ZNF70: variants seen among roughly 807,000 people sequenced by gnomAD.
ZNF70 encodes the protein zinc finger protein 70.
A neutral mutation model predicts 37.7 loss-of-function variants in ZNF70; 18 were observed. That is an observed-to-expected ratio of 0.48 (90% confidence interval 0.33 to 0.71). ZNF70 has a LOEUF of 0.71. ZNF70 is among the 30% of genes least tolerant of loss of function. The pLI, the probability that ZNF70 is intolerant of heterozygous loss-of-function variation, is 0.02. For synonymous variants in ZNF70, 219 were observed against 220.1 expected (o/e 0.99, Z 0.05); for missense variants, 506 against 568.6 (o/e 0.89, Z 1.12).
rs770461823 is a variant in ZNF70 at position 23,744,075 on chromosome 22, G to A, written c.1066C>T (p.Arg356Cys). The change falls in exon 2 of 2, where the codon CGC (arginine) becomes TGC (cysteine). Residue 356 changes from arginine to cysteine, a missense_variant. Arg to Cys is a radical substitution (Grantham distance 180). Coordinates refer to ENST00000341976, the MANE Select transcript of ZNF70 (RefSeq NM_021916.4). ...SQSSSLIEHQ[R>C]IHTGEKPYEC... ...TAGGGCTTCTCACCGGTGTGGATGC[G>A]CTGGTGCTCAATGAGGGAGGAGCTC... The A allele has an allele frequency of 1.4e-5, 22 of 1,610,934 alleles. No individual in the cohort carries two copies. The highest frequency in any genetic ancestry group is 1.7e-5 in the Admixed American group (1 of 59,524).
At chr22:23,748,261 A>C (rs1388597772) in intron 1 of ZNF70, among the ~76,000 whole-genome samples, 5 of 151,770 alleles carry the variant, frequency 3.3e-5, no homozygotes, top group Non-Finnish European at 7.4e-5. Flanking sequence ...TTTTTTTGAG[A>C]CAGGGTCTCA....
At position 23,739,606 on chromosome 22, in the gene ZNF70, T is replaced by C. The variant is rs1924815590; in HGVS notation, c.*4194A>G. ...CGGCTATTTTTTGTTTTTGTTGTTG[T>C]TGTTTTCCCCGAGATGGAGTCTTGC... On this transcript the variant is annotated 3_prime_UTR_variant, in exon 2 of 2. Transcript: ENST00000341976. 1 of 150,996 alleles carries C rather than the reference T, an allele frequency of 6.6e-6. No homozygotes were observed. The allele number at this position is 150,996 out of a possible 1,614,324, so 9.4% of individuals were successfully genotyped here. A position where few individuals can be genotyped will look rare whatever the true frequency, so the allele number is the denominator to read the frequency against.
chr22:23,741,710 C>T lies in ZNF70; in HGVS notation c.*2090G>A, dbSNP rs1259675231. Reference sequence around the variant, plus strand: ...CCAGCCATAAATGTTTAGGAAACTTCAAAACAGCCTAGACTGCCTCCTTCC... The same window carrying T: ...CCAGCCATAAATGTTTAGGAAACTTTAAAACAGCCTAGACTGCCTCCTTCC... On this transcript the variant is annotated 3_prime_UTR_variant, in exon 2 of 2. Transcript: ENST00000341976. 4 of 152,280 alleles carry T rather than the reference C, an allele frequency of 2.6e-5. No homozygotes were observed. Among genetic ancestry groups the T allele is most frequent in the African/African-American group, 9.6e-5 (4 of 41,460 alleles). The allele number at this position is 152,280 out of a possible 1,614,324, so 9.4% of individuals were successfully genotyped here. A position where few individuals can be genotyped will look rare whatever the true frequency, so the allele number is the denominator to read the frequency against.
At position 23,743,744 on chromosome 22, in the gene ZNF70, G is replaced by C. The variant is rs113327710; in HGVS notation, c.*56C>G. On this transcript the variant is annotated 3_prime_UTR_variant, in exon 2 of 2. Transcript: ENST00000341976. ...GGTGGGGTCTTGGAGACCACGCGAC[G>C]TGGAATAAAGGCTCCATCTGGCACA... is the stretch of plus-strand genomic sequence containing the variant. 18 of 1,558,952 alleles carry C rather than the reference G, an allele frequency of 1.2e-5. No homozygotes were observed. Among genetic ancestry groups the C allele is most frequent in the East Asian group, 2.2e-5 (1 of 44,506 alleles).
In ZNF70 at chr22:23,739,104, C is replaced by T. The variant is rs528781629; in HGVS notation, c.*4696G>A. On this transcript the variant is annotated 3_prime_UTR_variant, in exon 2 of 2. Transcript: ENST00000341976. ...TAAAATAATGAAAAAATTGAGTTAA[C>T]AAATAGAACTGGTAGAATAAAAACA... 7 of 152,054 alleles carry T rather than the reference C, an allele frequency of 4.6e-5. No individual in the cohort carries two copies. Among genetic ancestry groups the T allele is most frequent in the African/African-American group, 1.4e-4 (6 of 41,478 alleles). 9.4% of individuals were successfully genotyped at this position (152,054 alleles called of 1,614,324 possible).
At chr22:23,746,210 T>A (rs1054925546) in intron 1 of ZNF70, among the ~76,000 whole-genome samples, 1 of 147,594 alleles carries the variant, frequency 6.8e-6, no homozygotes, top group African/African-American at 2.5e-5. Context: ...CCTTTTTTTT[T>A]TTTTTTTTTT....
At chr22:23,746,038 T>C (rs1925110270) in intron 1 of ZNF70, among the ~76,000 whole-genome samples, 1 of 152,162 alleles carries the variant, frequency 6.6e-6, no homozygotes, top group African/African-American at 2.4e-5. Context: ...CAGTCCTCAC[T>C]GCCACTCTGC....
rs143260766 is a variant in ZNF70, at chr22:23,741,575, G to A, written c.*2225C>T. On this transcript the variant is annotated 3_prime_UTR_variant, in exon 2 of 2. Coordinates refer to ENST00000341976, the MANE Select transcript of ZNF70 (RefSeq NM_021916.4). ...TCTCTGGCCTATCAAGACCCACTTA[G>A]TAACAGTTATGGCTTTCCCATGTTT... 2.0e-5 allele frequency: 3 copies of A among 152,372 alleles called. No individual in the cohort carries two copies. The East Asian group carries it at 5.8e-4, about 29-fold the overall frequency. 9.4% of individuals were successfully genotyped at this position (152,372 alleles called of 1,614,324 possible). A position where few individuals can be genotyped will look rare whatever the true frequency, so the allele number is the denominator to read the frequency against.
In ZNF70 at chr22:23,744,983, A is replaced by G. The variant is rs1472910450; in HGVS notation, c.158T>C (p.Leu53Pro). The G allele has an allele frequency of 1.2e-6, 2 of 1,614,170 alleles. No homozygotes were observed. Among genetic ancestry groups the G allele is most frequent in the East Asian group, 4.5e-5 (2 of 44,884 alleles). ...QMAVIYKEIP[L>P]GEQDEENDDY... is the part of the protein sequence containing the mutation. ...ATCATTTTCTTCGTCCTGCTCACCA[A>G]GAGGGATCTCCTTGTAGATCACAGC... Residue 53 changes from leucine to proline, a missense_variant, in exon 2 of 2, where the codon CTT becomes CCT. By Grantham distance (98) the Leu-to-Pro change is moderately conservative. Transcript: ENST00000341976.
In ZNF70 at chr22:23,741,007, G is replaced by C. The variant is rs1336326084; in HGVS notation, c.*2793C>G. The stretch of plus-strand genomic sequence containing the variant: ...GAATTATGAGCTGGGAGTGATGCTG[G>C]AGTGGGCAGGGGCGGCCTGATCTCC... On this transcript the variant is annotated 3_prime_UTR_variant, in exon 2 of 2. Coordinates refer to ENST00000341976, the MANE Select transcript of ZNF70 (RefSeq NM_021916.4). 6.6e-6 allele frequency: 1 copy of C among 152,326 alleles called. No individual in the cohort carries two copies. The highest frequency in any genetic ancestry group is 1.5e-5 in the Non-Finnish European group (1 of 68,072). The allele number at this position is 152,326 out of a possible 1,614,324, so 9.4% of individuals were successfully genotyped here. A position where few individuals can be genotyped will look rare whatever the true frequency, so the allele number is the denominator to read the frequency against.
rs769103141 is a variant in ZNF70 at position 23,744,808 on chromosome 22, C to G, written c.333G>C (p.Glu111Asp). 3.7e-6 allele frequency: 6 copies of G among 1,614,196 alleles called. No individual in the cohort carries two copies. The highest frequency in any genetic ancestry group is 5.1e-6 in the Non-Finnish European group (6 of 1,180,038). Residue 111 changes from glutamate (E) to aspartate (D), a missense_variant, in exon 2 of 2, where the codon GAG (glutamate) becomes GAC (aspartate). Coordinates refer to ENST00000341976, the MANE Select transcript of ZNF70 (RefSeq NM_021916.4). ...LSMCQIIHSE[E>D]PSPCDCAETD... ...TTTCTGCACAATCGCATGGACTGGGCTCTTCACTGTGGATTATCTGACACA... is the reference window on the plus strand; with the variant it reads ...TTTCTGCACAATCGCATGGACTGGGGTCTTCACTGTGGATTATCTGACACA...
chr22:23,746,996 T>C (rs1028676223), intron 1 of ZNF70, among the ~76,000 whole-genome samples: 1 of 152,174 alleles, frequency 6.6e-6, no homozygotes, highest in African/African-American at 2.4e-5. Context: ...GAAAATTCCC[T>C]AAGGGCAAAT....
Position 23,741,735 on chromosome 22 carries a change from C to G in ZNF70, c.*2065G>C, listed in dbSNP as rs1274877716. On this transcript the variant is annotated 3_prime_UTR_variant, in exon 2 of 2. Transcript: ENST00000341976. Reference sequence around the variant, plus strand: ...CAAAACAGCCTAGACTGCCTCCTTCCCCACTAGCTCTGAGGAGCCCAAGGG... The same window carrying G: ...CAAAACAGCCTAGACTGCCTCCTTCGCCACTAGCTCTGAGGAGCCCAAGGG... The G allele has an allele frequency of 1.3e-5, 2 of 152,324 alleles. No homozygotes were observed. Among genetic ancestry groups the G allele is most frequent in the Admixed American group, 6.5e-5 (1 of 15,286 alleles). The allele number at this position is 152,324 out of a possible 1,614,324, so 9.4% of individuals were successfully genotyped here.
rs1925013053 is a variant in ZNF70, at chr22:23,744,355, G to A, written c.786C>T (p.Asn262=). The A allele has an allele frequency of 1.2e-6, 2 of 1,614,082 alleles. No individual in the cohort carries two copies. Among genetic ancestry groups the A allele is most frequent in the South Asian group, 1.1e-5 (1 of 91,088 alleles). The change falls in exon 2 of 2, where the codon AAC becomes AAT. Residue 262 remains asparagine (N), a synonymous_variant. Transcript: ENST00000341976. ...YQCKECGKSF[N]QSSGLSQHRK... is the part of the protein sequence containing the mutation. ...GATGCTGGCTCAGGCCTGAGCTCTGGTTGAAGGATTTCCCACATTCCTTAC... is the reference window on the plus strand; with the variant it reads ...GATGCTGGCTCAGGCCTGAGCTCTGATTGAAGGATTTCCCACATTCCTTAC...
At position 23,740,779 on chromosome 22, in the gene ZNF70, A is replaced by AC. The variant is rs1924854335; in HGVS notation, c.*3020_*3021insG. ...CTCAAAAAAAAAAAAAAAAAAAAAA[A>AC]AACTAATAAAACAAGGAAAGAATTT... is the stretch of plus-strand genomic sequence containing the variant. On this transcript the variant is annotated 3_prime_UTR_variant, in exon 2 of 2. Coordinates refer to ENST00000341976, the MANE Select transcript of ZNF70 (RefSeq NM_021916.4). 3 of 151,722 alleles carry AC rather than the reference A, an allele frequency of 2.0e-5. No individual in the cohort carries two copies. The highest frequency in any genetic ancestry group is 2.1e-4 in the South Asian group (1 of 4,828). 9.4% of individuals were successfully genotyped at this position (151,722 alleles called of 1,614,324 possible). A position where few individuals can be genotyped will look rare whatever the true frequency, so the allele number is the denominator to read the frequency against.
Position 23,744,765 on chromosome 22 carries a change from C to T in ZNF70, c.376G>A (p.Gly126Arg). The T allele has an allele frequency of 6.2e-7, 1 of 1,614,208 alleles. No individual in the cohort carries two copies. The highest frequency in any genetic ancestry group is 8.5e-7 in the Non-Finnish European group (1 of 1,180,040). ...GGGGTTCTGTGAGGTGCGTTAGGTC[C>T]TGAGTCCCCTCTGTCTGTTTCTGCA... ...DCAETDRGDS[G>R]PNAPHRTPQP... The change falls in exon 2 of 2, where the codon GGA becomes AGA. Residue 126 changes from glycine to arginine, a missense_variant. Transcript: ENST00000341976.
At chr22:23,747,126 CT>C (rs992403942) in intron 1 of ZNF70, among the ~76,000 whole-genome samples, 1 of 152,116 alleles carries the variant, frequency 6.6e-6, no homozygotes, top group African/African-American at 2.4e-5. Flanking sequence ...AGAACTGTCA[CT>C]TTTTTTGGTC....
chr22:23,743,624 G>GA lies in ZNF70; in HGVS notation c.*175_*176insT, dbSNP rs1226163396. The GA allele has an allele frequency of 1.2e-6, 1 of 864,186 alleles. No individual in the cohort carries two copies. The highest frequency in any genetic ancestry group is 1.8e-6 in the Non-Finnish European group (1 of 570,094). The allele number at this position is 864,186 out of a possible 1,614,324, so 53.5% of individuals were successfully genotyped here. On this transcript the variant is annotated 3_prime_UTR_variant, in exon 2 of 2. Transcript: ENST00000341976. ...CCATGCAGAAAACCTGCTGAGAGCT[G>GA]GCGTGCTTGGCCCAGGGCCACACAG...
chr22:23,745,831 C>T (rs1337764463), intron 1 of ZNF70, among the ~76,000 whole-genome samples: 1 of 152,132 alleles, frequency 6.6e-6, no homozygotes, highest in African/African-American at 2.4e-5. Flanking sequence ...AGAAAAGGAG[C>T]AAGACTCCAG....
Sources: allele counts gnomAD v4.1 joint callset (sites outside exome capture counted in the v4.1 genomes callset), GRCh38; gene constraint gnomAD v4.1.1; transcripts MANE v1.5; gene names NCBI Gene and HGNC (gene_info 2026-07-23, HGNC 2026-07-21).